Variants in SSBP2 observed in about 807,000 individuals in gnomAD.
SSBP2 encodes single-stranded DNA-binding protein 2.
A neutral mutation model predicts 61.8 loss-of-function variants in SSBP2; 17 were observed. The observed-to-expected ratio is 0.28, with a 90% confidence interval of 0.19 to 0.41. SSBP2 has a LOEUF of 0.41. SSBP2 is among the 10% of genes least tolerant of loss of function. The pLI is 1.00. For missense variants in SSBP2, 310 were observed against 458.7 expected (o/e 0.68, Z 2.96); for synonymous variants, 139 against 141.3 (o/e 0.98, Z 0.12).
At chr5:81,622,181 G>A (rs1746651177) in intron 3 of SSBP2, among the ~76,000 whole-genome samples, 1 of 150,096 alleles carries the variant, frequency 6.7e-6, no homozygotes, top group African/African-American at 2.5e-5. Context: ...TTCAAGAACA[G>A]TGGGAAGTGA....
intron 4 of SSBP2, among the ~76,000 whole-genome samples, chr5:81,594,224 A>G (rs1368750278): frequency 6.6e-6 from 1 of 152,258 alleles, no homozygotes; most frequent in East Asian, 1.9e-4. Flanking sequence ...TTAAACCAAC[A>G]AAGATGAAAA....
At chr5:81,420,624 T>G in intron 16 of SSBP2, 91 bp from the exon 17 acceptor site, 1 of 1,058,506 alleles carries the variant, frequency 9.4e-7, no homozygotes, top group Non-Finnish European at 1.4e-6. Flanking sequence ...TGAATTCTAA[T>G]TTCTTATCAT....
Position 81,593,749 on chromosome 5 carries a change from C to T in SSBP2, c.282+21724G>A, listed in dbSNP as rs377128259. Among the ~76,000 whole-genome samples, 28 of 152,220 alleles carry T rather than the reference C, an allele frequency of 1.8e-4. No individual in the cohort carries two copies. The South Asian group carries it at 4.6e-3, about 25-fold the overall frequency. The stretch of plus-strand genomic sequence containing the variant: ...TCATATCCAGCCAAACTAAGCTTCA[C>T]AAGTGAAGGAGAAATAAAATCCTTT... On this transcript the variant is annotated intron_variant, in intron 4 of 16. Transcript: ENST00000320672.
chr5:81,413,048 T>C lies in SSBP2; in HGVS notation c.*7456A>G, dbSNP rs183710258. The C allele has an allele frequency of 6.6e-6, 1 of 152,330 alleles. No individual in the cohort carries two copies. The allele number at this position is 152,330 out of a possible 1,614,324, so 9.4% of individuals were successfully genotyped here. A position where few individuals can be genotyped will look rare whatever the true frequency, so the allele number is the denominator to read the frequency against. On this transcript the variant is annotated 3_prime_UTR_variant, in exon 17 of 17. Transcript: ENST00000320672. ...CACATTAGTTATATTTTGATGTTTA[T>C]GCTGGCTTCATACAAACTTGACTTT...
chr5:81,720,162 G>C (rs1229855721), intron 1 of SSBP2, among the ~76,000 whole-genome samples: 1 of 152,112 alleles, frequency 6.6e-6, no homozygotes, highest in Non-Finnish European at 1.5e-5. Flanking sequence ...AGCCCATCCA[G>C]ATTTTTACTT....
At chr5:81,486,954 C>G (rs145569887) in intron 6 of SSBP2, among the ~76,000 whole-genome samples, 82 of 152,284 alleles carry the variant, frequency 5.4e-4, no homozygotes, top group Middle Eastern at 3.4e-3. Context: ...GCAGAGAGCA[C>G]CAGCAGATTG....
At chr5:81,443,564 GTTTTA>G (rs1763172960) in intron 12 of SSBP2, among the ~76,000 whole-genome samples, 1 of 152,012 alleles carries the variant, frequency 6.6e-6, no homozygotes, top group African/African-American at 2.4e-5. Flanking sequence ...GGCCTCTTTT[GTTTTA>G]TTTTGTTTTT....
chr5:81,610,898 G>A (rs1375768230), intron 4 of SSBP2, among the ~76,000 whole-genome samples: 1 of 152,190 alleles, frequency 6.6e-6, no homozygotes, highest in East Asian at 1.9e-4. Flanking sequence ...GGAGGCTAAG[G>A]CAGGAGAATC....
chr5:81,514,896 A>G (rs886811665), intron 4 of SSBP2, among the ~76,000 whole-genome samples: 1 of 152,012 alleles, frequency 6.6e-6, no homozygotes, highest in Admixed American at 6.6e-5. Context: ...AATGTTGCTT[A>G]CCTATGAATG....
intron 3 of SSBP2, among the ~76,000 whole-genome samples, chr5:81,631,538 G>C (rs188262608): frequency 6.6e-6 from 1 of 151,066 alleles, no homozygotes; most frequent in African/African-American, 2.4e-5. Flanking sequence ...ACCAATTGCT[G>C]CTGCAGAAAA....
chr5:81,446,005 C>G (rs1005354730), intron 12 of SSBP2, among the ~76,000 whole-genome samples: 2 of 152,210 alleles, frequency 1.3e-5, no homozygotes, highest in East Asian at 1.9e-4. Context: ...CTAACCTACA[C>G]CTTAAACATT....
At chr5:81,613,436 T>C (rs1347430717) in intron 4 of SSBP2, among the ~76,000 whole-genome samples, 1 of 152,172 alleles carries the variant, frequency 6.6e-6, no homozygotes, top group Non-Finnish European at 1.5e-5. Flanking sequence ...ATTTTCAAAG[T>C]GTCTTATGAA....
At chr5:81,538,627 G>A (rs1461861878) in intron 4 of SSBP2, among the ~76,000 whole-genome samples, 2 of 152,182 alleles carry the variant, frequency 1.3e-5, no homozygotes, top group East Asian at 3.8e-4. Context: ...CTCTTGTTAG[G>A]CTGGTTCTCT....
chr5:81,545,574 C>T (rs1771668670), intron 4 of SSBP2, among the ~76,000 whole-genome samples: 1 of 152,146 alleles, frequency 6.6e-6, no homozygotes, highest in South Asian at 2.1e-4. Context: ...GCACAGTATA[C>T]ACAACAACTG....
chr5:81,561,590 A>T (rs1478539555), intron 4 of SSBP2, among the ~76,000 whole-genome samples: 1 of 152,042 alleles, frequency 6.6e-6, no homozygotes, highest in Non-Finnish European at 1.5e-5. Flanking sequence ...TTTGAAAAAG[A>T]CAATTTGGGG....
intron 12 of SSBP2, among the ~76,000 whole-genome samples, chr5:81,445,344 A>G (rs1352111473): frequency 3.3e-5 from 5 of 150,968 alleles, no homozygotes; most frequent in Admixed American, 6.6e-5. Context: ...GACTAGGAAG[A>G]TGTACTTGTG....
intron 1 of SSBP2, among the ~76,000 whole-genome samples, chr5:81,698,062 T>C (rs1753712348): frequency 6.6e-6 from 1 of 152,204 alleles, no homozygotes; most frequent in African/African-American, 2.4e-5. Flanking sequence ...AAGATGATAC[T>C]GGGAAATTTA....
intron 3 of SSBP2, among the ~76,000 whole-genome samples, chr5:81,615,783 T>A (rs914839512): frequency 6.6e-6 from 1 of 152,236 alleles, no homozygotes; most frequent in African/African-American, 2.4e-5. Context: ...AAAAAAAATT[T>A]ATAGCAATAA....
intron 1 of SSBP2, among the ~76,000 whole-genome samples, chr5:81,738,061 C>G (rs542173561): frequency 5.1e-4 from 78 of 152,248 alleles, no homozygotes; most frequent in Non-Finnish European, 9.0e-4. Flanking sequence ...GGCTTTATCC[C>G]TATTTCGTGC....
Sources: allele counts gnomAD v4.1 joint callset (sites outside exome capture counted in the v4.1 genomes callset), GRCh38; gene constraint gnomAD v4.1.1; transcripts MANE v1.5; gene names NCBI Gene and HGNC (gene_info 2026-07-23, HGNC 2026-07-21).